The following NSUN6 variants were observed in gnomAD, a reference collection of about 807,000 sequenced individuals.
NSUN6 encodes the protein NOP2/Sun RNA methyltransferase 6.
A neutral mutation model predicts 58.0 loss-of-function variants in NSUN6; 64 were observed. The ratio of observed to expected loss-of-function variants is 1.10; its 90% CI spans 0.90 to 1.36. NSUN6 has a LOEUF of 1.36. Ranked by LOEUF, NSUN6 falls within the 40% of genes most tolerant of loss-of-function variation. The probability of loss-of-function intolerance (pLI) is 0.00; values close to 1 mark genes in which losing one functional copy is unlikely to be tolerated. For missense variants in NSUN6, 701 were observed against 550.1 expected (o/e 1.27, Z -2.74); for synonymous variants, 231 against 193.9 (o/e 1.19, Z -1.59).
chr10:18,630,877 G>C (rs1203235944), intron 3 of NSUN6, among the ~76,000 whole-genome samples: 11 of 152,024 alleles, frequency 7.2e-5, no homozygotes, highest in East Asian at 1.9e-4. Flanking sequence ...AATAGAAAAA[G>C]AGGGAATCCT....
intron 3 of NSUN6, among the ~76,000 whole-genome samples, chr10:18,640,936 G>C (rs1027383894): frequency 9.3e-5 from 14 of 150,660 alleles, no homozygotes; most frequent in Non-Finnish European, 1.5e-4. Context: ...AATTTCCTCA[G>C]AGTTAACCAC....
At chr10:18,656,816 CTT>C (rs59363607), upstream of NSUN6, among the ~76,000 whole-genome samples, 168 of 86,612 alleles carry the variant, frequency 1.9e-3, 1 homozygote, top group East Asian at 5.5e-3. Context: ...AGTTACAATC[CTT>C]TTTTTTTTTT....
chr10:18,593,602 C>T (rs1191392648), intron 7 of NSUN6, among the ~76,000 whole-genome samples: 5 of 152,040 alleles, frequency 3.3e-5, no homozygotes, highest in Non-Finnish European at 7.4e-5. Flanking sequence ...CAAACTAACA[C>T]AGGAACAGAA....
In NSUN6 at chr10:18,636,154, T is replaced by C. The variant is rs2059207453; in HGVS notation, c.311+6322A>G. On this transcript the variant is annotated intron_variant, in intron 3 of 10. Coordinates refer to ENST00000377304, the MANE Select transcript of NSUN6 (RefSeq NM_182543.5). ...AAAGGCAACAGGCAGACATTCCCAA[T>C]CAAGAAAGTAACGCAGTACATAAGA... Among the ~76,000 whole-genome samples the C allele has an allele frequency of 2.0e-5, 3 of 151,852 alleles. No individual in the cohort carries two copies. The South Asian group carries it at 6.2e-4, about 32-fold the overall frequency.
At chr10:18,560,263 C>T (rs906379714) in intron 8 of NSUN6, among the ~76,000 whole-genome samples, 10 of 134,320 alleles carry the variant, frequency 7.4e-5, no homozygotes, top group East Asian at 4.5e-4. Flanking sequence ...GGATAATGGA[C>T]GGCAATGGAA....
intron 8 of NSUN6, among the ~76,000 whole-genome samples, chr10:18,572,165 C>T (rs1313687851): frequency 6.9e-6 from 1 of 144,688 alleles, no homozygotes; most frequent in Non-Finnish European, 1.5e-5. Flanking sequence ...TCCACATTCC[C>T]TTCCATTCTC....
In NSUN6 at chr10:18,548,243, GA is replaced by G. The variant is rs1241890064; in HGVS notation, c.1072-7del. 6.2e-7 allele frequency: 1 copy of G among 1,611,410 alleles called. No individual in the cohort carries two copies. Among genetic ancestry groups the G allele is most frequent in the Non-Finnish European group, 8.5e-7 (1 of 1,178,426 alleles). On this transcript the variant is annotated splice_region_variant and splice_polypyrimidine_tract_variant and intron_variant, in intron 9 of 10. Coordinates refer to ENST00000377304, the MANE Select transcript of NSUN6 (RefSeq NM_182543.5). ...GGCTTCAGCAGCTGAACCGCCTAAAGAAAACTGTGATCAGACCACACACAGC... is the reference window on the plus strand; with the variant it reads ...GGCTTCAGCAGCTGAACCGCCTAAAGAAACTGTGATCAGACCACACACAGC...
At chr10:18,616,147 A>C in intron 4 of NSUN6, 37 bp downstream of exon 4, 3 of 1,137,078 alleles carry the variant, frequency 2.6e-6, no homozygotes, top group Non-Finnish European at 3.9e-6. Context: ...CATAAATTTT[A>C]GAGAACCTTA....
At chr10:18,615,433 C>T (rs532002683) in intron 4 of NSUN6, among the ~76,000 whole-genome samples, 5 of 152,250 alleles carry the variant, frequency 3.3e-5, no homozygotes, top group African/African-American at 1.2e-4. Flanking sequence ...CACACTTTTC[C>T]TGTAAAGGGC....
intron 7 of NSUN6, among the ~76,000 whole-genome samples, chr10:18,595,208 C>G (rs1199298811): frequency 6.6e-6 from 1 of 152,136 alleles, no homozygotes; most frequent in Non-Finnish European, 1.5e-5. Flanking sequence ...CAGCTGAATC[C>G]CATGGACTCC....
At chr10:18,597,924 T>C (rs1036042925) in intron 6 of NSUN6, among the ~76,000 whole-genome samples, 3 of 152,156 alleles carry the variant, frequency 2.0e-5, no homozygotes, top group Non-Finnish European at 2.9e-5. Flanking sequence ...ATATGAAGCA[T>C]TAAAATCAAT....
chr10:18,588,853 C>T (rs1345997889), intron 7 of NSUN6, among the ~76,000 whole-genome samples: 3 of 152,132 alleles, frequency 2.0e-5, no homozygotes, highest in Non-Finnish European at 1.5e-5. Context: ...AACCAGAATG[C>T]CTCTTCTCCT....
intron 3 of NSUN6, among the ~76,000 whole-genome samples, chr10:18,618,682 C>CAAAAAA (rs35116933): frequency 9.7e-5 from 5 of 51,470 alleles, no homozygotes; most frequent in Non-Finnish European, 2.0e-4. Context: ...AACTCCATCT[C>CAAAAAA]AAAAAAAAAA....
intron 3 of NSUN6, among the ~76,000 whole-genome samples, chr10:18,621,046 G>T (rs933165325): frequency 2.0e-5 from 3 of 152,226 alleles, no homozygotes; most frequent in African/African-American, 7.2e-5. Flanking sequence ...TCTGGGAACT[G>T]AGATTTCAGG....
chr10:18,658,022 C>CT (rs931472035), upstream of NSUN6, among the ~76,000 whole-genome samples: 3 of 149,554 alleles, frequency 2.0e-5, no homozygotes, highest in African/African-American at 4.9e-5. Context: ...ACATCCATGT[C>CT]TAACAATTGA....
intron 3 of NSUN6, among the ~76,000 whole-genome samples, chr10:18,627,521 T>C (rs1381660198): frequency 1.3e-5 from 2 of 151,916 alleles, no homozygotes; most frequent in Non-Finnish European, 2.9e-5. Context: ...CACTAGGGAG[T>C]GCCAGACAGT....
chr10:18,634,327 A>T (rs568932928), intron 3 of NSUN6, among the ~76,000 whole-genome samples: 1 of 152,232 alleles, frequency 6.6e-6, no homozygotes, highest in Non-Finnish European at 1.5e-5. Context: ...TAAGTAATAC[A>T]TCCCTATGAC....
intron 8 of NSUN6, among the ~76,000 whole-genome samples, chr10:18,578,167 G>C (rs1164739123): frequency 1.3e-5 from 2 of 151,686 alleles, no homozygotes; most frequent in African/African-American, 4.8e-5. Flanking sequence ...TGAGTAACGA[G>C]CAGCAGCTAG....
intron 6 of NSUN6, among the ~76,000 whole-genome samples, chr10:18,609,240 G>A (rs2058146988): frequency 6.6e-6 from 1 of 152,154 alleles, no homozygotes; most frequent in Non-Finnish European, 1.5e-5. Flanking sequence ...GAGCCCAGGA[G>A]TTTGAGGTTA....
Sources: allele counts gnomAD v4.1 joint callset (sites outside exome capture counted in the v4.1 genomes callset), GRCh38; gene constraint gnomAD v4.1.1; transcripts MANE v1.5; gene names NCBI Gene and HGNC (gene_info 2026-07-23, HGNC 2026-07-21).